The following TAAR5 variants were observed in gnomAD, a reference collection of about 807,000 sequenced individuals.
TAAR5 encodes trace amine associated receptor 5, also known as trace amine-associated receptor 5.
TAAR5 carries 27 observed loss-of-function variants against 21.1 expected under a neutral mutation model. The observed-to-expected ratio is 1.28, with a 90% CI of 0.94 to 1.76. The LOEUF is 1.76. Ranked by LOEUF, TAAR5 falls within the 40% of genes most tolerant of loss-of-function variation. TAAR5 has a pLI of 0.00. For missense variants in TAAR5, 495 were observed against 405.6 expected (o/e 1.22, Z -1.89); for synonymous variants, 203 against 167.5 (o/e 1.21, Z -1.64).
chr6:132,602,518 G>A, the TAAR5 span, among the ~76,000 whole-genome samples: 16 of 152,226 alleles, frequency 1.1e-4, no homozygotes, highest in African/African-American at 3.1e-4. Flanking sequence ...AGCTCAGGCC[G>A]TAATGCGAGC....
chr6:132,600,827 AG>A, the TAAR5 span, among the ~76,000 whole-genome samples: 6 of 123,774 alleles, frequency 4.8e-5, no homozygotes, highest in South Asian at 3.2e-4. Flanking sequence ...GAGGGAGGGA[AG>A]GAAGGAAGGA....
the TAAR5 span, among the ~76,000 whole-genome samples, chr6:132,606,728 T>C: frequency 2.6e-5 from 4 of 152,256 alleles, no homozygotes; most frequent in Non-Finnish European, 5.9e-5. Context: ...TACTGAATTA[T>C]AATGCCCTTC....
rs1776870551 is a variant in TAAR5 at position 132,589,463 on chromosome 6, G to C, written c.224C>G (p.Ser75Cys). The C allele has an allele frequency of 6.2e-7, 1 of 1,613,746 alleles. No individual in the cohort carries two copies. The highest frequency in any genetic ancestry group is 1.3e-5 in the African/African-American group (1 of 74,874). Reference protein sequence around the residue: ...LHTPTNFLLLSLALADMFLGL... With the variant: ...LHTPTNFLLLCLALADMFLGL... ...CAGAAACATGTCAGCCAGGGCCAGG[G>C]AGAGCAGCAGGAAGTTGGTGGGCGT... Residue 75 changes from serine (S) to cysteine (C), a missense_variant, in exon 1 of 1, where the codon TCC becomes TGC. By Grantham distance (112) the Ser-to-Cys change is moderately radical. Transcript: ENST00000258034.
chr6:132,600,141 G>T, the TAAR5 span, among the ~76,000 whole-genome samples: 1 of 152,170 alleles, frequency 6.6e-6, no homozygotes, highest in Non-Finnish European at 1.5e-5. Flanking sequence ...GACTCCTGAG[G>T]GAAGGATGCT....
the TAAR5 span, among the ~76,000 whole-genome samples, chr6:132,601,007 AGGAAGGAAGGGG>A: frequency 2.0e-5 from 2 of 99,236 alleles, no homozygotes; most frequent in Non-Finnish European, 4.4e-5. Context: ...GAAGGAGGGA[AGGAAGGAAGGGG>A]GGAAGGAGGG....
chr6:132,591,103 T>A (rs1190060867), upstream of TAAR5, among the ~76,000 whole-genome samples: 1 of 152,218 alleles, frequency 6.6e-6, no homozygotes, highest in Non-Finnish European at 1.5e-5. Flanking sequence ...AATAGTTAAA[T>A]TCCTGTTTCA....
chr6:132,616,537 G>C, the TAAR5 span, among the ~76,000 whole-genome samples: 5 of 152,130 alleles, frequency 3.3e-5, no homozygotes, highest in African/African-American at 1.2e-4. Context: ...AACCTGCCTG[G>C]AGTCTGTCGC....
the TAAR5 span, among the ~76,000 whole-genome samples, chr6:132,602,302 C>A: frequency 1.3e-5 from 2 of 152,106 alleles, no homozygotes; most frequent in Non-Finnish European, 2.9e-5. Flanking sequence ...TTATACAACT[C>A]ACCATAATAT....
chr6:132,600,315 G>C, the TAAR5 span, among the ~76,000 whole-genome samples: 1 of 152,168 alleles, frequency 6.6e-6, no homozygotes, highest in Non-Finnish European at 1.5e-5. Context: ...CTTTGAGGGA[G>C]AAGATCTGTT....
chr6:132,590,357 T>C (rs957728674), upstream of TAAR5, among the ~76,000 whole-genome samples: 2 of 152,250 alleles, frequency 1.3e-5, no homozygotes, highest in Non-Finnish European at 2.9e-5. Flanking sequence ...TTTATGATGA[T>C]AACACAAAGT....
At chr6:132,606,289 T>C in the TAAR5 span, among the ~76,000 whole-genome samples, 1 of 152,026 alleles carries the variant, frequency 6.6e-6, no homozygotes, top group Non-Finnish European at 1.5e-5. Flanking sequence ...CCAAATTAAA[T>C]AAATAAATAA....
At chr6:132,611,788 G>C in the TAAR5 span, among the ~76,000 whole-genome samples, 1 of 152,136 alleles carries the variant, frequency 6.6e-6, no homozygotes, top group African/African-American at 2.4e-5. Flanking sequence ...CAGGGGAAAA[G>C]AATGTCACAC....
the TAAR5 span, among the ~76,000 whole-genome samples, chr6:132,607,022 C>G: frequency 3.4e-4 from 51 of 151,846 alleles, no homozygotes; most frequent in Non-Finnish European, 6.8e-4. Context: ...ATGACGAAAC[C>G]CTGTCTCTAC....
chr6:132,601,111 G>GAA, the TAAR5 span, among the ~76,000 whole-genome samples: 9 of 29,934 alleles, frequency 3.0e-4, no homozygotes, highest in African/African-American at 8.3e-4. Flanking sequence ...GAGGGAAGAA[G>GAA]GGAAGGAGGG....
chr6:132,588,847 A>G lies in TAAR5; in HGVS notation c.840T>C (p.Phe280=). Residue 280 remains phenylalanine, a synonymous_variant, in exon 1 of 1, where the codon TTT becomes TTC. Coordinates refer to ENST00000258034, the MANE Select transcript of TAAR5 (RefSeq NM_003967.3). Reference sequence around the variant, plus strand: ...TGTCAAAGACCAGTGGGGGTGTGATAAAGTGAAGGAGGCTGTCGACCATCG... The same window carrying G: ...TGTCAAAGACCAGTGGGGGTGTGATGAAGTGAAGGAGGCTGTCGACCATCG... ...IDTMVDSLLH[F]ITPPLVFDIF... The G allele has an allele frequency of 6.2e-7, 1 of 1,614,092 alleles. No homozygotes were observed. Among genetic ancestry groups the G allele is most frequent in the South Asian group, 1.1e-5 (1 of 91,066 alleles).
chr6:132,615,766 C>T, the TAAR5 span, among the ~76,000 whole-genome samples: 2 of 151,590 alleles, frequency 1.3e-5, no homozygotes, highest in African/African-American at 4.8e-5. Context: ...CATAACCACA[C>T]CTGGATATAA....
the TAAR5 span, among the ~76,000 whole-genome samples, chr6:132,614,837 G>A: frequency 1.3e-5 from 2 of 151,902 alleles, no homozygotes; most frequent in South Asian, 2.1e-4. Flanking sequence ...TTTTTTGTTC[G>A]TTTGTTTGTT....
the TAAR5 span, chr6:132,609,141 T>G: frequency 2.5e-6 from 1 of 401,578 alleles, no homozygotes; most frequent in South Asian, 1.9e-5. Flanking sequence ...AGTTTCCGAA[T>G]AGTGATAATC....
At chr6:132,615,648 C>T in the TAAR5 span, among the ~76,000 whole-genome samples, 4 of 151,508 alleles carry the variant, frequency 2.6e-5, no homozygotes, top group Admixed American at 1.3e-4. Context: ...TAGAAGGAAG[C>T]CAGTATACAG....
Sources: allele counts gnomAD v4.1 joint callset (sites outside exome capture counted in the v4.1 genomes callset), GRCh38; gene constraint gnomAD v4.1.1; transcripts MANE v1.5; gene names NCBI Gene and HGNC (gene_info 2026-07-23, HGNC 2026-07-21).